SLA2: variants seen among roughly 807,000 people sequenced by gnomAD.
SLA2 encodes Src like adaptor 2.
In SLA2, 22 loss-of-function variants were observed where a neutral mutation model predicts 27.3. That is an observed-to-expected ratio of 0.81 (90% CI 0.58 to 1.15). The LOEUF is 1.15. Among genes scored for constraint, SLA2 ranks in the 50% most tolerant of loss-of-function variants. SLA2 has a pLI of 0.00. For synonymous variants in SLA2, 131 were observed against 137.8 expected, an observed-to-expected ratio of 0.95 and a Z score of 0.34; for missense variants, 304 against 322.2, an observed-to-expected ratio of 0.94 and a Z score of 0.43.
At chr20:36,632,161 C>A (rs1046577680) in intron 5 of SLA2, among the ~76,000 whole-genome samples, 2 of 152,156 alleles carry the variant, frequency 1.3e-5, no homozygotes, top group African/African-American at 4.8e-5. Flanking sequence ...AAAACCAAAG[C>A]TTCTCAGCTC....
chr20:36,615,447 A>G, intron 5 of SLA2, 73 bp from the exon 6 acceptor site: 1 of 1,593,626 alleles, frequency 6.3e-7, no homozygotes, highest in Admixed American at 1.7e-5. Flanking sequence ...TGGGAAACGA[A>G]GATAGGCAAC....
At chr20:36,627,200 G>A (rs1394860406) in intron 5 of SLA2, among the ~76,000 whole-genome samples, 4 of 152,208 alleles carry the variant, frequency 2.6e-5, no homozygotes, top group East Asian at 3.8e-4. Context: ...GTGGCTGGAC[G>A]CGGAGCCTAG....
In SLA2 at chr20:36,612,590, C is replaced by T. The variant is rs1235259933; in HGVS notation, c.*1276G>A. On this transcript the variant is annotated 3_prime_UTR_variant, in exon 8 of 8. Transcript: ENST00000262866. Reference sequence around the variant, plus strand: ...ATGATACCTGATAAAGCCTTTCCCACCCCACCTGTAGCTTGGGAACCAGTA... The same window carrying T: ...ATGATACCTGATAAAGCCTTTCCCATCCCACCTGTAGCTTGGGAACCAGTA... The T allele has an allele frequency of 3.6e-6, 1 of 277,314 alleles. No homozygotes were observed. Among genetic ancestry groups the T allele is most frequent in the South Asian group, 3.6e-5 (1 of 27,424 alleles). The allele number at this position is 277,314 out of a possible 1,614,324, so 17.2% of individuals were successfully genotyped here. A position where few individuals can be genotyped will look rare whatever the true frequency, so the allele number is the denominator to read the frequency against.
chr20:36,637,470 C>T (rs949876581), intron 2 of SLA2, among the ~76,000 whole-genome samples: 1 of 151,800 alleles, frequency 6.6e-6, no homozygotes, highest in Non-Finnish European at 1.5e-5. Flanking sequence ...GCTGGGATTA[C>T]AGGCGTGAGC....
At chr20:36,628,958 C>T (rs2039366194) in intron 5 of SLA2, among the ~76,000 whole-genome samples, 1 of 152,044 alleles carries the variant, frequency 6.6e-6, no homozygotes, top group Non-Finnish European at 1.5e-5. Context: ...CCTCCCCCAA[C>T]TAACATTTTT....
At position 36,628,430 on chromosome 20, in the gene SLA2, G is replaced by A. The variant is rs531723964; in HGVS notation, c.382+4165C>T. 2.1e-4 allele frequency among the ~76,000 whole-genome samples: 32 copies of A among 152,288 alleles called. 1 individual carries two copies. The South Asian group carries it at 3.9e-3, about 19-fold the overall frequency. On this transcript the variant is annotated intron_variant, in intron 5 of 7. Transcript: ENST00000262866. ...CAGACGCACTAAATTAGTGGGTTCC[G>A]ACCCTGGCTACCCATCAGAATCACC...
At position 36,634,601 on chromosome 20, in the gene SLA2, G is replaced by A. The variant is rs913781171; in HGVS notation, c.92-12C>T. On this transcript the variant is annotated splice_polypyrimidine_tract_variant and intron_variant, in intron 2 of 7. Transcript: ENST00000262866. ...GGCCTTGCTTCTCTCTAGATGGAGGGACAGAAATAGTCACCTACTTAGCTA... is the reference window on the plus strand; with the variant it reads ...GGCCTTGCTTCTCTCTAGATGGAGGAACAGAAATAGTCACCTACTTAGCTA... The A allele has an allele frequency of 1.3e-6, 2 of 1,562,470 alleles. No individual in the cohort carries two copies. Among genetic ancestry groups the A allele is most frequent in the East Asian group, 2.3e-5 (1 of 43,872 alleles).
At chr20:36,643,327 G>A (rs1978285142) in intron 1 of SLA2, among the ~76,000 whole-genome samples, 1 of 152,194 alleles carries the variant, frequency 6.6e-6, no homozygotes, top group African/African-American at 2.4e-5. Context: ...ATTCTTTTCA[G>A]TAGGGACAAG....
intron 7 of SLA2, 77 bp from the exon 8 acceptor site, chr20:36,614,063 T>TG: frequency 6.3e-7 from 1 of 1,581,172 alleles, no homozygotes; most frequent in Admixed American, 1.8e-5. Context: ...AATTGCACTG[T>TG]TCTCAAAACC....
intron 5 of SLA2, among the ~76,000 whole-genome samples, chr20:36,619,189 C>A (rs1316622168): frequency 2.8e-5 from 4 of 144,384 alleles, no homozygotes; most frequent in Non-Finnish European, 6.0e-5. Context: ...CCACTGCACT[C>A]CAGCTTGGGC....
intron 2 of SLA2, among the ~76,000 whole-genome samples, chr20:36,638,417 C>T (rs1426281581): frequency 6.6e-6 from 1 of 152,066 alleles, no homozygotes; most frequent in Non-Finnish European, 1.5e-5. Flanking sequence ...CAACCTCCAC[C>T]TCCCAGGTTC....
chr20:36,613,764 C>T lies in SLA2; in HGVS notation c.*102G>A. 2 of 549,010 alleles carry T rather than the reference C, an allele frequency of 3.6e-6. No individual in the cohort carries two copies. Among genetic ancestry groups the T allele is most frequent in the Non-Finnish European group, 6.5e-6 (2 of 306,724 alleles). The allele number at this position is 549,010 out of a possible 1,614,324, so 34.0% of individuals were successfully genotyped here. A position where few individuals can be genotyped will look rare whatever the true frequency, so the allele number is the denominator to read the frequency against. On this transcript the variant is annotated 3_prime_UTR_variant, in exon 8 of 8. Coordinates refer to ENST00000262866, the MANE Select transcript of SLA2 (RefSeq NM_032214.4). ...CCTAGATGCACCTCTGTGTCCCACC[C>T]TCCCTCCCTGAGTGCACAGCCTTGC...
intron 2 of SLA2, among the ~76,000 whole-genome samples, chr20:36,635,272 T>G (rs1397071858): frequency 6.6e-6 from 1 of 151,184 alleles, no homozygotes; most frequent in Non-Finnish European, 1.5e-5. Context: ...CCTCCCTTCT[T>G]CCCCCTTGTC....
chr20:36,634,579 C>T lies in SLA2; in HGVS notation c.102G>A (p.Lys34=), dbSNP rs753608437. ...AACTGCCCAGGGCCACGGCTGTGGC[C>T]TTGCTTCTCTCTAGATGGAGGGACA... ...GPVTMEAERS[K]ATAVALGSFP... The change falls in exon 3 of 8, where the codon AAG becomes AAA. Residue 34 remains lysine (K), a synonymous_variant. Transcript: ENST00000262866. The T allele has an allele frequency of 2.5e-6, 4 of 1,604,486 alleles. No individual in the cohort carries two copies. Among genetic ancestry groups the T allele is most frequent in the Non-Finnish European group, 3.4e-6 (4 of 1,173,668 alleles).
At chr20:36,614,250 G>C in intron 7 of SLA2, 55 bp downstream of exon 7, 3 of 1,613,420 alleles carry the variant, frequency 1.9e-6, no homozygotes, top group Non-Finnish European at 2.5e-6. Context: ...TCCCAGGGGT[G>C]GGTCCTTCTA....
In SLA2 at chr20:36,612,489, G is replaced by T; in HGVS notation, c.*1377C>A. ...CGTGGTCCATAGCACAGTACATGCA[G>T]CATCTAATAAGAGTTTCCATTGTAG... On this transcript the variant is annotated 3_prime_UTR_variant, in exon 8 of 8. Transcript: ENST00000262866. The T allele has an allele frequency of 2.0e-6, 1 of 508,906 alleles. No individual in the cohort carries two copies. Among genetic ancestry groups the T allele is most frequent in the Non-Finnish European group, 3.6e-6 (1 of 280,578 alleles). The allele number at this position is 508,906 out of a possible 1,614,324, so 31.5% of individuals were successfully genotyped here. A position where few individuals can be genotyped will look rare whatever the true frequency, so the allele number is the denominator to read the frequency against.
chr20:36,619,455 G>A (rs1214572353), intron 5 of SLA2, among the ~76,000 whole-genome samples: 1 of 151,232 alleles, frequency 6.6e-6, no homozygotes, highest in Non-Finnish European at 1.5e-5. Context: ...GAACCTGGGA[G>A]CAGGAGGTTG....
intron 5 of SLA2, chr20:36,621,029 G>C: frequency 2.8e-6 from 1 of 361,460 alleles, no homozygotes; most frequent in Admixed American, 3.2e-5. Flanking sequence ...TTTGGCTGCA[G>C]TGGAAACTTT....
rs952679318 is a variant in SLA2 at position 36,632,655 on chromosome 20, G to T, written c.322C>A (p.Leu108Met). 4 of 1,614,090 alleles carry T rather than the reference G, an allele frequency of 2.5e-6. No individual in the cohort carries two copies. In the African/African-American group the frequency reaches 4.0e-5, roughly 16 times the overall value. Residue 108 changes from leucine to methionine, a missense_variant, in exon 5 of 8, where the codon CTG becomes ATG. Leu to Met is a conservative substitution (Grantham distance 15). Coordinates refer to ENST00000262866, the MANE Select transcript of SLA2 (RefSeq NM_032214.4). ...CCTCCAGGGTTCCCAGGTAACAACA[G>T]CAGTTCCTCTGCTTTCTCCCTGCTC... The part of the protein sequence containing the change: ...GLSREKAEEL[L>M]LLPGNPGGAF...
Sources: gnomAD v4.1 joint callset for allele counts (sites outside exome capture counted in the v4.1 genomes callset) on GRCh38, gnomAD v4.1.1 for gene constraint, MANE v1.5 for transcripts, NCBI Gene and HGNC (gene_info 2026-07-23, HGNC 2026-07-21) for gene names.